Variants in NMNAT3 observed in about 807,000 individuals in gnomAD.
The protein encoded by NMNAT3 is nicotinamide/nicotinic acid mononucleotide adenylyltransferase 3.
Under a neutral mutation model 24.8 loss-of-function variants are expected in NMNAT3, and 21 were observed. That is an observed-to-expected ratio of 0.85 (90% CI 0.60 to 1.22). NMNAT3 has a LOEUF of 1.22. Among genes scored for constraint, NMNAT3 ranks in the 50% most tolerant of loss-of-function variants. The pLI, the probability that NMNAT3 is intolerant of heterozygous loss-of-function variation, is 0.00. For synonymous variants in NMNAT3, 136 were observed against 155.2 expected (o/e 0.88, Z 0.92); for missense variants, 387 against 436.6 (o/e 0.89, Z 1.01).
At position 139,592,311 on chromosome 3, in the gene NMNAT3, G is replaced by T. The variant is rs550712394; in HGVS notation, c.110-9103C>A. Among the ~76,000 whole-genome samples the T allele has an allele frequency of 2.0e-3, 307 of 152,292 alleles. 6 individuals carry two copies. The highest frequency in any genetic ancestry group is 3.4e-4 in the Non-Finnish European group (23 of 68,032). On this transcript the variant is annotated intron_variant, in intron 3 of 6. Coordinates refer to ENST00000643695, the MANE Select transcript of NMNAT3 (RefSeq NM_001320510.2). ...ATGAGCAAAGTGTCCAAGAAATATG[G>T]GACTATGTGAAAAGACCAAATCTAC...
chr3:139,601,420 TC>T (rs1436988442), intron 3 of NMNAT3, among the ~76,000 whole-genome samples: 1 of 152,152 alleles, frequency 6.6e-6, no homozygotes, highest in Non-Finnish European at 1.5e-5. Flanking sequence ...ACCACACACT[TC>T]GGAGGCATGG....
At chr3:139,571,914 T>C (rs909952544) in intron 6 of NMNAT3, among the ~76,000 whole-genome samples, 7 of 152,216 alleles carry the variant, frequency 4.6e-5, no homozygotes, top group African/African-American at 9.7e-5. Context: ...TGCCCCTGCC[T>C]CTCACTGGAG....
At chr3:139,561,961 T>A (rs893512622) in intron 6 of NMNAT3, among the ~76,000 whole-genome samples, 1 of 152,118 alleles carries the variant, frequency 6.6e-6, no homozygotes, top group Non-Finnish European at 1.5e-5. Context: ...CAGTTTCCAA[T>A]AAAACAAAGC....
chr3:139,579,657 C>T (rs951467876), intron 4 of NMNAT3, among the ~76,000 whole-genome samples: 1 of 152,156 alleles, frequency 6.6e-6, no homozygotes, highest in Non-Finnish European at 1.5e-5. Context: ...ACCATGATAA[C>T]TGCCCTGTAG....
At chr3:139,632,066 G>A (rs931094126) in intron 2 of NMNAT3, among the ~76,000 whole-genome samples, 9 of 151,906 alleles carry the variant, frequency 5.9e-5, no homozygotes, top group Non-Finnish European at 1.5e-5. Flanking sequence ...ATTAGAGAGT[G>A]GTTTTTAAAT....
chr3:139,562,675 G>T (rs2107980180), intron 6 of NMNAT3, among the ~76,000 whole-genome samples: 1 of 152,344 alleles, frequency 6.6e-6, no homozygotes, highest in Middle Eastern at 3.4e-3. Flanking sequence ...ACTGTGGAAT[G>T]GAAAGTGAGA....
chr3:139,596,529 T>C (rs1224548432), intron 3 of NMNAT3, among the ~76,000 whole-genome samples: 2 of 152,126 alleles, frequency 1.3e-5, no homozygotes, highest in Non-Finnish European at 2.9e-5. Flanking sequence ...TATCTTTTTA[T>C]ATAGAGTCAT....
Position 139,560,480 on chromosome 3 carries a change from A to T in NMNAT3, c.*530T>A, listed in dbSNP as rs1936250467. On this transcript the variant is annotated 3_prime_UTR_variant, in exon 7 of 7. Transcript: ENST00000643695. ...GTTTCTAAGGCAAGATCCAGTGTAAATCAGCAATGTGCTGTTTCCAACTGT... is the reference window on the plus strand; with the variant it reads ...GTTTCTAAGGCAAGATCCAGTGTAATTCAGCAATGTGCTGTTTCCAACTGT... The T allele has an allele frequency of 6.5e-6, 1 of 153,004 alleles. No individual in the cohort carries two copies. The highest frequency in any genetic ancestry group is 2.4e-5 in the African/African-American group (1 of 41,462). The allele number at this position is 153,004 out of a possible 1,614,324, so 9.5% of individuals were successfully genotyped here. A position where few individuals can be genotyped will look rare whatever the true frequency, so the allele number is the denominator to read the frequency against.
At chr3:139,660,704 T>C (rs908166546) in intron 1 of NMNAT3, among the ~76,000 whole-genome samples, 1 of 152,226 alleles carries the variant, frequency 6.6e-6, no homozygotes, top group African/African-American at 2.4e-5. Flanking sequence ...TTTGGTAAAG[T>C]CCTTGGAAAT....
intron 6 of NMNAT3, chr3:139,568,629 C>T (rs1190007107): frequency 2.0e-5 from 3 of 152,124 alleles, no homozygotes; most frequent in African/African-American, 4.8e-5. Flanking sequence ...CAGGTTGTTC[C>T]GTTTCCATGT....
chr3:139,635,192 A>G (rs192971996), intron 2 of NMNAT3: 1 of 151,902 alleles, frequency 6.6e-6, no homozygotes, highest in African/African-American at 2.4e-5. Flanking sequence ...TTTGAAAAAG[A>G]CCTCCCATTT....
At chr3:139,605,942 C>T (rs1012114009) in intron 3 of NMNAT3, among the ~76,000 whole-genome samples, 24 of 150,646 alleles carry the variant, frequency 1.6e-4, no homozygotes, top group African/African-American at 5.9e-4. Flanking sequence ...AACAAATTTA[C>T]TTAAATATCT....
At position 139,616,808 on chromosome 3, in the gene NMNAT3, A is replaced by G. The variant is rs1206130357; in HGVS notation, c.109+10808T>C. ...TGTGTATGTGCTGCAGGGTGGACGCATATATTCTCATCCTCTCACAGCTCT... is the reference window on the plus strand; with the variant it reads ...TGTGTATGTGCTGCAGGGTGGACGCGTATATTCTCATCCTCTCACAGCTCT... On this transcript the variant is annotated intron_variant, in intron 3 of 6. Coordinates refer to ENST00000643695, the MANE Select transcript of NMNAT3 (RefSeq NM_001320510.2). 2.6e-5 allele frequency among the ~76,000 whole-genome samples: 4 copies of G among 152,246 alleles called. No individual in the cohort carries two copies. The East Asian group carries it at 5.8e-4, about 22-fold the overall frequency.
intron 1 of NMNAT3, among the ~76,000 whole-genome samples, chr3:139,674,899 C>G (rs937576899): frequency 6.6e-6 from 1 of 152,180 alleles, no homozygotes; most frequent in Non-Finnish European, 1.5e-5. Context: ...ATATGCTTAT[C>G]TTGCTTAATG....
At chr3:139,650,756 T>G (rs2057030387) in intron 1 of NMNAT3, among the ~76,000 whole-genome samples, 1 of 152,164 alleles carries the variant, frequency 6.6e-6, no homozygotes, top group Non-Finnish European at 1.5e-5. Flanking sequence ...ATCCCTTCTG[T>G]GAAAGCGATA....
At chr3:139,577,005 C>T (rs1352621552) in intron 5 of NMNAT3, among the ~76,000 whole-genome samples, 7 of 151,620 alleles carry the variant, frequency 4.6e-5, no homozygotes, top group African/African-American at 1.2e-4. Context: ...TGCAGTGAGC[C>T]GAGATCATGC....
At chr3:139,586,403 AACGTGCTACCCACC>A (rs1290237487) in intron 3 of NMNAT3, among the ~76,000 whole-genome samples, 2 of 152,124 alleles carry the variant, frequency 1.3e-5, no homozygotes, top group African/African-American at 4.8e-5. Context: ...AAGTGTGGAA[AACGTGCTACCCACC>A]ACTTTTTGTT....
chr3:139,592,495 G>A (rs983749550), intron 3 of NMNAT3, among the ~76,000 whole-genome samples: 18 of 152,274 alleles, frequency 1.2e-4, no homozygotes, highest in Admixed American at 9.8e-4. Flanking sequence ...CTCGAGAAGA[G>A]CAACTCCAAG....
chr3:139,608,234 C>T (rs1490488559), intron 3 of NMNAT3, among the ~76,000 whole-genome samples: 1 of 152,176 alleles, frequency 6.6e-6, no homozygotes, highest in Non-Finnish European at 1.5e-5. Context: ...ATAGCAGCAG[C>T]GACAGCAGCA....
Sources: allele counts gnomAD v4.1 joint callset (sites outside exome capture counted in the v4.1 genomes callset), GRCh38; gene constraint gnomAD v4.1.1; transcripts MANE v1.5; gene names NCBI Gene and HGNC (gene_info 2026-07-23, HGNC 2026-07-21).